Variants in ESR1 observed in about 807,000 individuals in gnomAD.
The protein encoded by ESR1 is estrogen receptor.
Under a neutral mutation model 52.7 loss-of-function variants are expected in ESR1, and 12 were observed. The observed-to-expected ratio is 0.23, with a 90% CI of 0.15 to 0.37. ESR1 has a LOEUF of 0.37. ESR1 is among the 10% of genes least tolerant of loss of function. The pLI is 1.00. For missense variants in ESR1, 584 were observed against 779.7 expected (o/e 0.75, Z 2.99); for synonymous variants, 305 against 316.8 (o/e 0.96, Z 0.39).
Position 151,876,710 on chromosome 6 carries a change from CCCGCTT to C in ESR1, c.644-3942_644-3937del, listed in dbSNP as rs1791884058. Among the ~76,000 whole-genome samples the C allele has an allele frequency of 2.0e-5, 3 of 152,290 alleles. No individual in the cohort carries two copies. In the South Asian group the frequency reaches 6.2e-4, roughly 32 times the overall value. Reference sequence around the variant, plus strand: ...TTCCTACTGAGAGGCGTTTTCTCTCCCCGCTTCCTGTCTTTCTGGTTCCATCTCATT... The same window carrying C: ...TTCCTACTGAGAGGCGTTTTCTCTCCCCTGTCTTTCTGGTTCCATCTCATT... On this transcript the variant is annotated intron_variant, in intron 2 of 7. Transcript: ENST00000206249.
intron 2 of ESR1, among the ~76,000 whole-genome samples, chr6:151,858,715 A>G (rs551355195): frequency 6.6e-6 from 1 of 151,836 alleles, no homozygotes; most frequent in Non-Finnish European, 1.5e-5. Context: ...GTCTGGTGCA[A>G]TCTTGTTTAG....
intron 5 of ESR1, among the ~76,000 whole-genome samples, chr6:152,048,214 CA>C (rs1241783094): frequency 6.6e-6 from 1 of 151,710 alleles, no homozygotes. Flanking sequence ...ATTAAAAATA[CA>C]AAAAAATTTA....
intron 3 of ESR1, among the ~76,000 whole-genome samples, chr6:151,905,682 T>C (rs1797327467): frequency 6.6e-6 from 1 of 152,160 alleles, no homozygotes; most frequent in African/African-American, 2.4e-5. Flanking sequence ...CAGCTGCTCT[T>C]AGAGTTTATT....
chr6:151,706,663 C>G (rs1428108797), intron 2 of ESR1, among the ~76,000 whole-genome samples: 1 of 152,190 alleles, frequency 6.6e-6, no homozygotes, highest in African/African-American at 2.4e-5. Context: ...TGCCTTCCCA[C>G]AGCCTGCCCT....
At chr6:151,943,780 T>G (rs2035383687) in intron 3 of ESR1, among the ~76,000 whole-genome samples, 1 of 152,206 alleles carries the variant, frequency 6.6e-6, no homozygotes, top group South Asian at 2.1e-4. Flanking sequence ...AAATTAGAAT[T>G]CTGTTCTTTT....
At chr6:152,065,341 A>C (rs1053328349) in intron 6 of ESR1, among the ~76,000 whole-genome samples, 2 of 152,182 alleles carry the variant, frequency 1.3e-5, no homozygotes, top group Non-Finnish European at 1.5e-5. Context: ...ACATGGGTTC[A>C]TGCATCATTC....
chr6:151,884,351 A>G (rs1012926337), intron 3 of ESR1, among the ~76,000 whole-genome samples: 1 of 152,248 alleles, frequency 6.6e-6, no homozygotes, highest in Non-Finnish European at 1.5e-5. Context: ...ATAACTAACT[A>G]TAAAATGTGC....
chr6:151,710,189 G>T (rs1429355552), intron 2 of ESR1, among the ~76,000 whole-genome samples: 1 of 151,198 alleles, frequency 6.6e-6, no homozygotes, highest in Non-Finnish European at 1.5e-5. Flanking sequence ...GATTATAATA[G>T]CTGTATAGTC....
chr6:152,050,325 C>T (rs1209343338), intron 5 of ESR1, among the ~76,000 whole-genome samples: 1 of 152,144 alleles, frequency 6.6e-6, no homozygotes, highest in Non-Finnish European at 1.5e-5. Flanking sequence ...ACCAACCATT[C>T]TTAAGGTAAT....
intron 2 of ESR1, among the ~76,000 whole-genome samples, chr6:151,751,015 G>A (rs1261041712): frequency 6.6e-6 from 1 of 152,218 alleles, no homozygotes; most frequent in African/African-American, 2.4e-5. Context: ...GTAAGAGTCT[G>A]AGTACTAGTC....
At chr6:152,020,640 G>T (rs2043563175) in intron 5 of ESR1, among the ~76,000 whole-genome samples, 2 of 151,964 alleles carry the variant, frequency 1.3e-5, no homozygotes, top group South Asian at 4.2e-4. Context: ...TAGTAGAGAT[G>T]GGGTTTTGCC....
chr6:152,081,218 A>G (rs2049179734), intron 6 of ESR1, among the ~76,000 whole-genome samples: 1 of 152,114 alleles, frequency 6.6e-6, no homozygotes, highest in Non-Finnish European at 1.5e-5. Context: ...TGACCACATA[A>G]TTGGAAGTAA....
chr6:151,958,990 G>T (rs776616544), intron 4 of ESR1, among the ~76,000 whole-genome samples: 2 of 152,056 alleles, frequency 1.3e-5, no homozygotes, highest in African/African-American at 2.4e-5. Context: ...GTGTGTGTGT[G>T]TGTGCGTGTG....
rs144149383 is a variant in ESR1, at chr6:152,014,959, C to G, written c.1235+3165C>G. Among the ~76,000 whole-genome samples, 825 of 152,038 alleles carry G rather than the reference C, an allele frequency of 5.4e-3. 6 individuals carry two copies. The highest frequency in any genetic ancestry group is 0.017 in the African/African-American group (698 of 41,488). On this transcript the variant is annotated intron_variant, in intron 5 of 7. Transcript: ENST00000206249. Reference sequence around the variant, plus strand: ...GCTCATGCCTGTAATCCCAGCTACCCGAGAGGCTGAGGCAGGAGAATCGCT... The same window carrying G: ...GCTCATGCCTGTAATCCCAGCTACCGGAGAGGCTGAGGCAGGAGAATCGCT...
chr6:151,996,007 G>T (rs754298408), intron 4 of ESR1, among the ~76,000 whole-genome samples: 1 of 152,086 alleles, frequency 6.6e-6, no homozygotes, highest in Admixed American at 6.6e-5. Flanking sequence ...GGCCCTGCTG[G>T]GTTCAGGCCA....
At chr6:152,060,586 C>T (rs984938877) in intron 5 of ESR1, among the ~76,000 whole-genome samples, 2 of 152,164 alleles carry the variant, frequency 1.3e-5, no homozygotes, top group African/African-American at 4.8e-5. Flanking sequence ...TGAGCATCTT[C>T]AGCCGAGGCC....
At chr6:151,993,457 C>A (rs985871809) in intron 4 of ESR1, among the ~76,000 whole-genome samples, 2 of 152,116 alleles carry the variant, frequency 1.3e-5, no homozygotes, top group Non-Finnish European at 2.9e-5. Context: ...AAAGTCACAG[C>A]TTTCTTACCA....
At chr6:152,054,323 G>T (rs1255099927) in intron 5 of ESR1, among the ~76,000 whole-genome samples, 2 of 151,982 alleles carry the variant, frequency 1.3e-5, no homozygotes, top group Non-Finnish European at 2.9e-5. Flanking sequence ...AGTTCCAGAG[G>T]AGTCTTTAAA....
intron 5 of ESR1, among the ~76,000 whole-genome samples, chr6:152,021,452 A>G (rs1469780396): frequency 6.6e-6 from 1 of 152,142 alleles, no homozygotes; most frequent in Non-Finnish European, 1.5e-5. Context: ...ACCCTGACTA[A>G]TACACCCAGT....
Sources: allele counts gnomAD v4.1 joint callset (sites outside exome capture counted in the v4.1 genomes callset), GRCh38; gene constraint gnomAD v4.1.1; transcripts MANE v1.5; gene names NCBI Gene and HGNC (gene_info 2026-07-23, HGNC 2026-07-21).